RAP1GDS1: variants seen among roughly 807,000 people sequenced by gnomAD.
RAP1GDS1 encodes RAP1, GTP-GDP dissociation stimulator 1.
In RAP1GDS1, 35 loss-of-function variants were observed where a neutral mutation model predicts 71.1. The ratio of observed to expected loss-of-function variants is 0.49; its 90% confidence interval spans 0.38 to 0.65. The LOEUF is 0.65. RAP1GDS1 is among the 30% of genes least tolerant of loss of function. The probability of loss-of-function intolerance (pLI) is 0.00; values close to 1 mark genes in which losing one functional copy is unlikely to be tolerated. For synonymous variants in RAP1GDS1, 229 were observed against 243.1 expected (o/e 0.94, Z 0.54); for missense variants, 663 against 706.1 (o/e 0.94, Z 0.69).
Position 98,321,585 on chromosome 4 carries a change from C to A in RAP1GDS1, c.113-21554C>A, listed in dbSNP as rs554070482. On this transcript the variant is annotated intron_variant, in intron 2 of 14. Coordinates refer to ENST00000408927, the MANE Select transcript of RAP1GDS1 (RefSeq NM_001100427.2). ...AACAGCGGATCTCTCGGCAGAAACC[C>A]TACAAGCCAGAAGAGTGGGGGCCAA... 2.1e-3 allele frequency among the ~76,000 whole-genome samples: 319 copies of A among 151,704 alleles called. 2 individuals carry two copies. Among genetic ancestry groups the A allele is most frequent in the African/African-American group, 7.0e-3 (289 of 41,298 alleles).
chr4:98,350,156 A>C (rs952570358), intron 3 of RAP1GDS1, among the ~76,000 whole-genome samples: 3 of 152,202 alleles, frequency 2.0e-5, no homozygotes, highest in Admixed American at 2.0e-4. Flanking sequence ...ATTTTGAAAG[A>C]TTGGTATCAT....
intron 3 of RAP1GDS1, among the ~76,000 whole-genome samples, chr4:98,349,729 A>G (rs1301230220): frequency 1.3e-5 from 2 of 152,158 alleles, no homozygotes; most frequent in Non-Finnish European, 2.9e-5. Context: ...CTTTGAAGCA[A>G]TTGTGAATGG....
chr4:98,392,674 C>G (rs375877431), intron 6 of RAP1GDS1, among the ~76,000 whole-genome samples: 2 of 152,066 alleles, frequency 1.3e-5, no homozygotes, highest in East Asian at 1.9e-4. Context: ...GCACTCCAGC[C>G]TGGGTGGCAG....
At chr4:98,399,328 T>C (rs1745013302) in intron 6 of RAP1GDS1, among the ~76,000 whole-genome samples, 1 of 152,204 alleles carries the variant, frequency 6.6e-6, no homozygotes, top group Non-Finnish European at 1.5e-5. Flanking sequence ...ACTGGGGATT[T>C]ATTCCAGAAT....
rs188658113 is a variant in RAP1GDS1, at chr4:98,391,890, T to C, written c.509-62T>C. The C allele has an allele frequency of 2.8e-6, 4 of 1,434,794 alleles. 1 individual carries two copies. In the South Asian group the frequency reaches 4.3e-5, roughly 15 times the overall value. 88.9% of individuals were successfully genotyped at this position (1,434,794 alleles called of 1,614,324 possible). A position where few individuals can be genotyped will look rare whatever the true frequency, so the allele number is the denominator to read the frequency against. ...GAAAATAAGAGGTGTTTTCTTCTTA[T>C]AATGTTCATTTGACATGTCAACACT... On this transcript the variant is annotated intron_variant, in intron 5 of 14. Transcript: ENST00000408927.
chr4:98,363,478 CAAAA>C (rs34393905), intron 4 of RAP1GDS1, among the ~76,000 whole-genome samples: 125 of 37,710 alleles, frequency 3.3e-3, no homozygotes, highest in African/African-American at 7.0e-3. Flanking sequence ...GACCCTGTCT[CAAAA>C]AAAAAAAAAA....
At chr4:98,435,938 G>A (rs936580808) in intron 13 of RAP1GDS1, among the ~76,000 whole-genome samples, 8 of 151,494 alleles carry the variant, frequency 5.3e-5, no homozygotes, top group African/African-American at 1.9e-4. Context: ...GGGAGCGGTG[G>A]CGGGCTCCTG....
chr4:98,443,024 T>TC lies in RAP1GDS1; in HGVS notation c.*907_*908insC, dbSNP rs1268292061. ...TTCATTGAAGAATGGAATTTTTTTT[T>TC]TTTTTTTTTTTTTTGCTGTTTTTCA... On this transcript the variant is annotated 3_prime_UTR_variant, in exon 15 of 15. Coordinates refer to ENST00000408927, the MANE Select transcript of RAP1GDS1 (RefSeq NM_001100427.2). The TC allele has an allele frequency of 0.013, 2,636 of 210,372 alleles. 36 individuals carry two copies. The highest frequency in any genetic ancestry group is 0.022 in the South Asian group (118 of 5,256). 13.0% of individuals were successfully genotyped at this position (210,372 alleles called of 1,614,324 possible).
intron 4 of RAP1GDS1, among the ~76,000 whole-genome samples, chr4:98,376,402 C>G (rs1420110321): frequency 3.3e-5 from 5 of 151,940 alleles, no homozygotes; most frequent in African/African-American, 1.2e-4. Flanking sequence ...ATAGAGTTAA[C>G]TATGGAAAAC....
At chr4:98,282,864 C>T (rs1365654034) in intron 1 of RAP1GDS1, among the ~76,000 whole-genome samples, 5 of 152,114 alleles carry the variant, frequency 3.3e-5, no homozygotes, top group Admixed American at 2.0e-4. Flanking sequence ...TTTCTGCCGT[C>T]ACTTTGTTAT....
intron 2 of RAP1GDS1, among the ~76,000 whole-genome samples, chr4:98,326,189 A>G (rs1733052768): frequency 2.0e-5 from 3 of 152,248 alleles, no homozygotes; most frequent in South Asian, 4.1e-4. Context: ...TTCCAAACAT[A>G]TGCTTTTTAA....
At position 98,269,800 on chromosome 4, in the gene RAP1GDS1, A is replaced by G. The variant is rs979117051; in HGVS notation, c.4+8231A>G. Among the ~76,000 whole-genome samples, 11 of 152,298 alleles carry G rather than the reference A, an allele frequency of 7.2e-5. 1 individual carries two copies. The highest frequency in any genetic ancestry group is 6.8e-3 in the Middle Eastern group (2 of 294). Reference sequence around the variant, plus strand: ...TTAAACCAGTTAGTATCATGCATGTATTCCAAAATCTGAATAATTTCAAAA... The same window carrying G: ...TTAAACCAGTTAGTATCATGCATGTGTTCCAAAATCTGAATAATTTCAAAA... On this transcript the variant is annotated intron_variant, in intron 1 of 14. Coordinates refer to ENST00000408927, the MANE Select transcript of RAP1GDS1 (RefSeq NM_001100427.2).
intron 4 of RAP1GDS1, among the ~76,000 whole-genome samples, chr4:98,373,833 A>G (rs1740760719): frequency 6.6e-6 from 1 of 152,202 alleles, no homozygotes; most frequent in Non-Finnish European, 1.5e-5. Context: ...CTTTGAGGCC[A>G]TTAAGTAAAA....
intron 2 of RAP1GDS1, among the ~76,000 whole-genome samples, chr4:98,309,691 T>G (rs2110316540): frequency 6.6e-6 from 1 of 152,096 alleles, no homozygotes; most frequent in African/African-American, 2.4e-5. Flanking sequence ...ATATATCTTC[T>G]TAATTGAATA....
chr4:98,307,759 T>C (rs192058397), intron 2 of RAP1GDS1, among the ~76,000 whole-genome samples: 213 of 152,280 alleles, frequency 1.4e-3, no homozygotes, highest in African/African-American at 4.8e-3. Context: ...AATGAATTTT[T>C]AGCTAATTCT....
intron 5 of RAP1GDS1, among the ~76,000 whole-genome samples, chr4:98,387,865 GA>G (rs1742995703): frequency 6.6e-6 from 1 of 152,150 alleles, no homozygotes; most frequent in Non-Finnish European, 1.5e-5. Flanking sequence ...GAGGGAGGCA[GA>G]AGTAGTAGTC....
At chr4:98,280,665 T>C (rs1724939757) in intron 1 of RAP1GDS1, among the ~76,000 whole-genome samples, 1 of 152,234 alleles carries the variant, frequency 6.6e-6, no homozygotes, top group Non-Finnish European at 1.5e-5. Flanking sequence ...TTTGGTGTTT[T>C]AGTCATGAAG....
At chr4:98,344,812 G>T (rs1052376894) in intron 3 of RAP1GDS1, among the ~76,000 whole-genome samples, 2 of 151,970 alleles carry the variant, frequency 1.3e-5, no homozygotes, top group South Asian at 2.1e-4. Context: ...CCAGAGTCTT[G>T]TTGAGTGTTT....
chr4:98,324,107 G>T (rs368460977), intron 2 of RAP1GDS1, among the ~76,000 whole-genome samples: 9,949 of 150,174 alleles, frequency 0.066, 389 homozygotes, highest in Admixed American at 0.13. Flanking sequence ...AAAATCACAA[G>T]CATTCTTATA....
Sources: allele counts gnomAD v4.1 joint callset (sites outside exome capture counted in the v4.1 genomes callset), GRCh38; gene constraint gnomAD v4.1.1; transcripts MANE v1.5; gene names NCBI Gene and HGNC (gene_info 2026-07-23, HGNC 2026-07-21).